The following FHIP1A variants were observed in gnomAD, a reference collection of about 807,000 sequenced individuals.
FHIP1A encodes FHF complex subunit HOOK interacting protein 1A, also known as FHF complex subunit HOOK-interacting protein 1A.
FHIP1A carries 61 observed loss-of-function variants against 88.6 expected under a neutral mutation model. The observed-to-expected ratio is 0.69, with a 90% CI of 0.56 to 0.85. FHIP1A has a LOEUF of 0.85. Ranked by LOEUF, FHIP1A falls within the 40% of genes least tolerant of loss-of-function variation. FHIP1A has a pLI of 0.00. For missense variants in FHIP1A, 1,154 were observed against 1,273.5 expected, an observed-to-expected ratio of 0.91 and a Z score of 1.43; for synonymous variants, 478 against 496.0, an observed-to-expected ratio of 0.96 and a Z score of 0.48.
intron 2 of FHIP1A, among the ~76,000 whole-genome samples, chr4:151,474,067 T>G (rs1344362272): frequency 6.6e-6 from 1 of 152,218 alleles, no homozygotes; most frequent in Non-Finnish European, 1.5e-5. Flanking sequence ...TTTACTGCTT[T>G]CCATTTACCT....
chr4:151,636,150 G>T (rs1345713327), intron 8 of FHIP1A, among the ~76,000 whole-genome samples: 1 of 151,934 alleles, frequency 6.6e-6, no homozygotes, highest in Non-Finnish European at 1.5e-5. Context: ...ATCAAACTAG[G>T]ATTGTAAAGC....
Position 151,548,634 on chromosome 4 carries a change from C to T in FHIP1A, c.-122-17504C>T, listed in dbSNP as rs117966459. Reference sequence around the variant, plus strand: ...GAAATGGCAATGTCAGAAACTTACCCTATATGGCCAGGCACAGTGGCTCAC... The same window carrying T: ...GAAATGGCAATGTCAGAAACTTACCTTATATGGCCAGGCACAGTGGCTCAC... On this transcript the variant is annotated intron_variant, in intron 3 of 13. Coordinates refer to ENST00000435205, the MANE Select transcript of FHIP1A (RefSeq NM_001109977.3). 7.2e-5 allele frequency among the ~76,000 whole-genome samples: 11 copies of T among 152,248 alleles called. No individual in the cohort carries two copies. The East Asian group carries it at 2.1e-3, about 29-fold the overall frequency.
At chr4:151,465,633 T>C (rs1729283245) in intron 2 of FHIP1A, among the ~76,000 whole-genome samples, 1 of 152,250 alleles carries the variant, frequency 6.6e-6, no homozygotes, top group South Asian at 2.1e-4. Context: ...AATAAAATAC[T>C]GGCAAACCAA....
chr4:151,411,347 ATAT>A (rs1427031415), intron 1 of FHIP1A, among the ~76,000 whole-genome samples: 2 of 132,162 alleles, frequency 1.5e-5, no homozygotes, highest in African/African-American at 3.0e-5. Context: ...AATTATATAT[ATAT>A]TTTTTTTTTT....
At chr4:151,551,150 A>G (rs1732713725) in intron 3 of FHIP1A, among the ~76,000 whole-genome samples, 1 of 152,198 alleles carries the variant, frequency 6.6e-6, no homozygotes, top group South Asian at 2.1e-4. Flanking sequence ...GGCATCCATT[A>G]CAGTGCTATT....
intron 3 of FHIP1A, among the ~76,000 whole-genome samples, chr4:151,520,785 T>G (rs551819624): frequency 4.6e-5 from 7 of 152,280 alleles, no homozygotes; most frequent in African/African-American, 1.7e-4. Flanking sequence ...TGCTTCTAAA[T>G]GTCATTCATG....
Position 151,566,220 on chromosome 4 carries a change from A to C in FHIP1A, c.-40A>C, listed in dbSNP as rs1183297083. 7 of 1,317,644 alleles carry C rather than the reference A, an allele frequency of 5.3e-6. No individual in the cohort carries two copies. In the East Asian group the frequency reaches 1.6e-4, roughly 30 times the overall value. The allele number at this position is 1,317,644 out of a possible 1,614,324, so 81.6% of individuals were successfully genotyped here. ...GTGACGGCTTACCAAATTTTAATGA[A>C]AATTAAATATGACTTAGAAGCATTG... is the stretch of plus-strand genomic sequence containing the variant. On this transcript the variant is annotated 5_prime_UTR_variant, in exon 4 of 14. Coordinates refer to ENST00000435205, the MANE Select transcript of FHIP1A (RefSeq NM_001109977.3).
intron 4 of FHIP1A, among the ~76,000 whole-genome samples, chr4:151,577,101 A>G (rs1036683745): frequency 6.6e-6 from 1 of 152,140 alleles, no homozygotes; most frequent in Non-Finnish European, 1.5e-5. Context: ...TGCTTTTTTC[A>G]TCTAACATAT....
At chr4:151,498,494 C>CCT (rs1388068221) in intron 3 of FHIP1A, among the ~76,000 whole-genome samples, 10 of 152,076 alleles carry the variant, frequency 6.6e-5, no homozygotes, top group African/African-American at 2.4e-4. Flanking sequence ...TGTGTTTGGC[C>CCT]CTCACTCTAC....
intron 3 of FHIP1A, among the ~76,000 whole-genome samples, chr4:151,557,183 G>A (rs1732982031): frequency 6.6e-6 from 1 of 152,064 alleles, no homozygotes; most frequent in Non-Finnish European, 1.5e-5. Context: ...TACATAAAAG[G>A]AACTATCTAG....
intron 3 of FHIP1A, among the ~76,000 whole-genome samples, chr4:151,487,623 C>T (rs1730135586): frequency 6.6e-6 from 1 of 152,198 alleles, no homozygotes; most frequent in African/African-American, 2.4e-5. Flanking sequence ...AATGGCATCA[C>T]CATCAACCAT....
rs151055836 is a variant in FHIP1A, at chr4:151,438,705, G to A, written c.-355-15996G>A. Among the ~76,000 whole-genome samples the A allele has an allele frequency of 1.2e-3, 187 of 150,672 alleles. 3 individuals are homozygous for A. The East Asian group carries it at 0.034, about 27-fold the overall frequency. On this transcript the variant is annotated intron_variant, in intron 1 of 13. Coordinates refer to ENST00000435205, the MANE Select transcript of FHIP1A (RefSeq NM_001109977.3). ...TACCCAGGCTGGAGTGCGGTGGCAT[G>A]ATCATAGCTCATTGCAGCCTCCAAT... is the stretch of plus-strand genomic sequence containing the variant.
At chr4:151,474,318 C>T (rs896029790) in intron 2 of FHIP1A, among the ~76,000 whole-genome samples, 2 of 152,120 alleles carry the variant, frequency 1.3e-5, no homozygotes, top group Admixed American at 6.5e-5. Flanking sequence ...TTAATCTTTG[C>T]TCATTATGCT....
At chr4:151,556,001 G>T (rs763479408) in intron 3 of FHIP1A, among the ~76,000 whole-genome samples, 1 of 152,046 alleles carries the variant, frequency 6.6e-6, no homozygotes, top group African/African-American at 2.4e-5. Flanking sequence ...AATAGAAAAG[G>T]TTGTGGCAGC....
chr4:151,479,717 A>G (rs778702135), intron 2 of FHIP1A, among the ~76,000 whole-genome samples: 5 of 152,064 alleles, frequency 3.3e-5, no homozygotes, highest in Non-Finnish European at 1.5e-5. Flanking sequence ...GGAGAAATCC[A>G]TGATGTGGAT....
At chr4:151,647,544 A>C (rs1324210146) in intron 10 of FHIP1A, among the ~76,000 whole-genome samples, 2 of 152,206 alleles carry the variant, frequency 1.3e-5, no homozygotes, top group Non-Finnish European at 2.9e-5. Flanking sequence ...AAGTGTATTT[A>C]AAAGCTGGGT....
intron 3 of FHIP1A, among the ~76,000 whole-genome samples, chr4:151,528,755 A>C (rs759768020): frequency 1.2e-4 from 19 of 152,064 alleles, no homozygotes; most frequent in Non-Finnish European, 2.6e-4. Context: ...TTCATTCCTT[A>C]ATGGAACCTT....
rs552303824 is a variant in FHIP1A at position 151,654,342 on chromosome 4, T to C, written c.2552-1890T>C. ...ATGTGCCCCCCCACCTCACCCCTTA[T>C]AGTAGTGATGTCCTGTGGATGGTCC... On this transcript the variant is annotated intron_variant, in intron 11 of 13. Transcript: ENST00000435205. Among the ~76,000 whole-genome samples the C allele has an allele frequency of 1.6e-4, 25 of 151,596 alleles. 2 individuals are homozygous for C. In the South Asian group the frequency reaches 5.3e-3, roughly 32 times the overall value.
chr4:151,436,104 G>A (rs573608766), intron 1 of FHIP1A, among the ~76,000 whole-genome samples: 2 of 152,046 alleles, frequency 1.3e-5, no homozygotes, highest in East Asian at 1.9e-4. Context: ...ATATGGCAGC[G>A]ACGCTTCAGT....
Sources: allele counts gnomAD v4.1 joint callset (sites outside exome capture counted in the v4.1 genomes callset), GRCh38; gene constraint gnomAD v4.1.1; transcripts MANE v1.5; gene names NCBI Gene and HGNC (gene_info 2026-07-23, HGNC 2026-07-21).